The following KCNH7 variants were observed in gnomAD, a reference collection of about 807,000 sequenced individuals.
KCNH7 encodes the protein potassium voltage-gated channel subfamily H member 7.
KCNH7 carries 49 observed loss-of-function variants against 120.8 expected under a neutral mutation model. The ratio of observed to expected loss-of-function variants is 0.41; its 90% CI spans 0.32 to 0.51. The LOEUF is 0.51. Among genes scored for constraint, KCNH7 ranks in the 20% least tolerant of loss-of-function variants. KCNH7 has a pLI of 0.38. For synonymous variants in KCNH7, 547 were observed against 516.1 expected (o/e 1.06, Z -0.81); for missense variants, 1,097 against 1,446.6 (o/e 0.76, Z 3.92).
chr2:162,373,178 T>C (rs1386715602), intron 15 of KCNH7, among the ~76,000 whole-genome samples: 2 of 152,162 alleles, frequency 1.3e-5, no homozygotes, highest in Non-Finnish European at 2.9e-5. Flanking sequence ...CTACCACATG[T>C]AAATTTAAGC....
intron 3 of KCNH7, among the ~76,000 whole-genome samples, chr2:162,523,000 A>G (rs780183169): frequency 2.0e-5 from 3 of 151,908 alleles, no homozygotes; most frequent in Non-Finnish European, 4.4e-5. Flanking sequence ...GAAAACATAG[A>G]TAGTCCCATC....
At chr2:162,448,193 T>A (rs1380288023) in intron 6 of KCNH7, among the ~76,000 whole-genome samples, 5 of 152,120 alleles carry the variant, frequency 3.3e-5, no homozygotes, top group African/African-American at 1.2e-4. Context: ...AATTAAATTA[T>A]CTGTCATTTT....
chr2:162,713,894 G>A (rs369732919), intron 2 of KCNH7, among the ~76,000 whole-genome samples: 39 of 152,008 alleles, frequency 2.6e-4, no homozygotes, highest in Admixed American at 2.1e-3. Flanking sequence ...GATTACAGGC[G>A]CCTGCCACCA....
At chr2:162,561,293 C>T (rs1693055792) in intron 2 of KCNH7, among the ~76,000 whole-genome samples, 1 of 151,910 alleles carries the variant, frequency 6.6e-6, no homozygotes, top group Admixed American at 6.6e-5. Context: ...ATGAAGCAGT[C>T]GTAGTTGCTG....
At chr2:162,546,741 A>G (rs1692493593) in intron 2 of KCNH7, among the ~76,000 whole-genome samples, 1 of 152,176 alleles carries the variant, frequency 6.6e-6, no homozygotes, top group African/African-American at 2.4e-5. Flanking sequence ...AATAAAATAA[A>G]TTGTAGATTA....
chr2:162,683,157 G>T (rs1685772665), intron 2 of KCNH7, among the ~76,000 whole-genome samples: 1 of 151,766 alleles, frequency 6.6e-6, no homozygotes, highest in Non-Finnish European at 1.5e-5. Flanking sequence ...GCATGAGAAG[G>T]TGATGATGTC....
intron 2 of KCNH7, among the ~76,000 whole-genome samples, chr2:162,740,667 C>T (rs1472459995): frequency 1.3e-5 from 2 of 152,202 alleles, no homozygotes; most frequent in African/African-American, 4.8e-5. Context: ...GTCAATCTTA[C>T]AGCAGGTCCA....
At chr2:162,448,883 C>A (rs1688673001) in intron 6 of KCNH7, among the ~76,000 whole-genome samples, 1 of 151,870 alleles carries the variant, frequency 6.6e-6, no homozygotes. Flanking sequence ...CCTTGAGGTC[C>A]ACTTCACTCA....
intron 6 of KCNH7, among the ~76,000 whole-genome samples, chr2:162,481,280 C>G (rs1385842801): frequency 6.6e-6 from 1 of 152,070 alleles, no homozygotes; most frequent in Non-Finnish European, 1.5e-5. Context: ...AAATTATTTG[C>G]AGTTTTGCCT....
chr2:162,805,873 T>C (rs1684522041), intron 2 of KCNH7, among the ~76,000 whole-genome samples: 1 of 152,152 alleles, frequency 6.6e-6, no homozygotes, highest in Non-Finnish European at 1.5e-5. Context: ...AAATGTGGTA[T>C]ATATACAGCA....
chr2:162,705,778 C>T (rs1223743510), intron 2 of KCNH7, among the ~76,000 whole-genome samples: 2 of 152,056 alleles, frequency 1.3e-5, no homozygotes, highest in Non-Finnish European at 2.9e-5. Flanking sequence ...AAAGTTGGTA[C>T]TTGGTAATGA....
intron 6 of KCNH7, among the ~76,000 whole-genome samples, chr2:162,474,255 C>T (rs1307801376): frequency 6.6e-6 from 1 of 152,150 alleles, no homozygotes; most frequent in Non-Finnish European, 1.5e-5. Flanking sequence ...GAGCCTAAGA[C>T]TTTAAATACC....
chr2:162,535,457 A>C (rs1005502603), intron 3 of KCNH7, among the ~76,000 whole-genome samples: 3 of 151,774 alleles, frequency 2.0e-5, no homozygotes, highest in Non-Finnish European at 4.4e-5. Flanking sequence ...TTCCATTTAT[A>C]ATAGCAGCAA....
At chr2:162,535,779 T>C (rs1038353060) in intron 3 of KCNH7, among the ~76,000 whole-genome samples, 2 of 151,808 alleles carry the variant, frequency 1.3e-5, no homozygotes, top group African/African-American at 2.4e-5. Flanking sequence ...GTATATTAGT[T>C]ATTTATTGTA....
intron 2 of KCNH7, among the ~76,000 whole-genome samples, chr2:162,829,889 C>G (rs545532119): frequency 7.3e-6 from 1 of 137,128 alleles, no homozygotes; most frequent in East Asian, 2.1e-4. Context: ...CATTTTTCAT[C>G]TTCTCTTCAT....
chr2:162,373,540 A>T lies in KCNH7; in HGVS notation c.3254T>A (p.Ile1085Asn). Residue 1085 changes from isoleucine (I) to asparagine (N), a missense_variant, in exon 15 of 16, where the codon ATC (isoleucine) becomes AAC (asparagine). By Grantham distance (149) the Ile-to-Asn change is moderately radical (BLOSUM62 -3). Coordinates refer to ENST00000332142, the MANE Select transcript of KCNH7 (RefSeq NM_033272.4). ...TAGSEYQRPI[I>N]QLMRTSQPEA... ...CGGTTGACTGGTTCTCATCAGCTGG[A>T]TGATGGGTCTCTGATATTCTGATCC... 6.3e-7 allele frequency: 1 copy of T among 1,590,774 alleles called. No homozygotes were observed.
intron 2 of KCNH7, among the ~76,000 whole-genome samples, chr2:162,546,488 T>A (rs912697671): frequency 1.3e-5 from 2 of 152,116 alleles, no homozygotes; most frequent in Non-Finnish European, 2.9e-5. Context: ...ACTCAGAATA[T>A]GAGCAAATCT....
At chr2:162,700,237 G>C (rs1472800514) in intron 2 of KCNH7, among the ~76,000 whole-genome samples, 1 of 152,154 alleles carries the variant, frequency 6.6e-6, no homozygotes, top group Non-Finnish European at 1.5e-5. Context: ...CAGACAAAGG[G>C]AGGAGACGAG....
At chr2:162,650,320 AT>A (rs985259011) in intron 2 of KCNH7, among the ~76,000 whole-genome samples, 1 of 152,130 alleles carries the variant, frequency 6.6e-6, no homozygotes, top group African/African-American at 2.4e-5. Context: ...GTTAAAAATG[AT>A]TTTTTTGTGT....
Sources: allele counts gnomAD v4.1 joint callset (sites outside exome capture counted in the v4.1 genomes callset), GRCh38; gene constraint gnomAD v4.1.1; transcripts MANE v1.5; gene names NCBI Gene and HGNC (gene_info 2026-07-23, HGNC 2026-07-21).